PHC3: variants seen among roughly 807,000 people sequenced by gnomAD.
PHC3 encodes the protein polyhomeotic homolog 3, also known as polyhomeotic-like protein 3.
A neutral mutation model predicts 107.4 loss-of-function variants in PHC3; 13 were observed. The observed-to-expected ratio is 0.12, with a 90% CI of 0.08 to 0.19. PHC3 has a LOEUF of 0.19. Ranked by LOEUF, PHC3 falls within the 10% of genes least tolerant of loss-of-function variation. The pLI is 1.00. For synonymous variants in PHC3, 456 were observed against 427.4 expected, an observed-to-expected ratio of 1.07 and a Z score of -0.83; for missense variants, 992 against 1,210.9, an observed-to-expected ratio of 0.82 and a Z score of 2.68.
In PHC3 at chr3:170,102,948, G is replaced by A. The variant is rs755635530; in HGVS notation, c.2469-14C>T. 1 of 1,598,446 alleles carries A rather than the reference G, an allele frequency of 6.3e-7. No homozygotes were observed. Among genetic ancestry groups the A allele is most frequent in the African/African-American group, 1.3e-5 (1 of 74,492 alleles). ...CTAACATTGTACCTAAGAAATTCAA[G>A]AAAGAAAAAATATTTAATGATATAT... is the stretch of plus-strand genomic sequence containing the variant. On this transcript the variant is annotated splice_polypyrimidine_tract_variant and intron_variant, in intron 12 of 14. Transcript: ENST00000495893.
At chr3:170,160,238 G>A (rs527942771) in intron 4 of PHC3, among the ~76,000 whole-genome samples, 93 of 152,214 alleles carry the variant, frequency 6.1e-4, no homozygotes, top group Non-Finnish European at 1.2e-3. Context: ...ATGATCTCAC[G>A]GTGAGACCTC....
intron 14 of PHC3, among the ~76,000 whole-genome samples, chr3:170,098,200 A>G (rs1714896704): frequency 6.6e-6 from 1 of 152,168 alleles, no homozygotes; most frequent in Non-Finnish European, 1.5e-5. Flanking sequence ...TCACATCCAA[A>G]TTACTCAATA....
At chr3:170,166,968 T>C (rs1310283883) in intron 4 of PHC3, among the ~76,000 whole-genome samples, 15 of 152,158 alleles carry the variant, frequency 9.9e-5, no homozygotes, top group Admixed American at 9.8e-4. Context: ...GCATGTACGT[T>C]TTAAAGTTTA....
intron 4 of PHC3, among the ~76,000 whole-genome samples, chr3:170,154,623 TAAAAA>T (rs1292844140): frequency 6.6e-6 from 1 of 152,178 alleles, no homozygotes; most frequent in Non-Finnish European, 1.5e-5. Flanking sequence ...TTATTTTTCT[TAAAAA>T]AGAAAAGAGG....
At chr3:170,140,417 C>T (rs1444848641) in intron 6 of PHC3, among the ~76,000 whole-genome samples, 1 of 150,680 alleles carries the variant, frequency 6.6e-6, no homozygotes, top group Non-Finnish European at 1.5e-5. Flanking sequence ...CCATGTCTGG[C>T]TAATTTTTCT....
rs955338566 is a variant in PHC3 at position 170,092,715 on chromosome 3, C to T, written c.*4515G>A. Reference sequence around the variant, plus strand: ...TGTAATTCTGGCAACTCAATTACAACAACCTTTGAATTTTTGACAAATATT... The same window carrying T: ...TGTAATTCTGGCAACTCAATTACAATAACCTTTGAATTTTTGACAAATATT... On this transcript the variant is annotated 3_prime_UTR_variant, in exon 15 of 15. Coordinates refer to ENST00000495893, the MANE Select transcript of PHC3 (RefSeq NM_024947.4). 1 of 152,302 alleles carries T rather than the reference C, an allele frequency of 6.6e-6. No homozygotes were observed. The highest frequency in any genetic ancestry group is 2.4e-5 in the African/African-American group (1 of 41,566). 9.4% of individuals were successfully genotyped at this position (152,302 alleles called of 1,614,324 possible).
Position 170,091,034 on chromosome 3 carries a change from T to G in PHC3, c.*6196A>C, listed in dbSNP as rs1035046934. 6.6e-6 allele frequency: 1 copy of G among 152,212 alleles called. No homozygotes were observed. The highest frequency in any genetic ancestry group is 1.5e-5 in the Non-Finnish European group (1 of 68,030). 9.4% of individuals were successfully genotyped at this position (152,212 alleles called of 1,614,324 possible). On this transcript the variant is annotated 3_prime_UTR_variant, in exon 15 of 15. Transcript: ENST00000495893. ...TTTCTAAAACAGGTTGATGTTTAACTTCACTAATGACTAGACACCCCACCA... is the reference window on the plus strand; with the variant it reads ...TTTCTAAAACAGGTTGATGTTTAACGTCACTAATGACTAGACACCCCACCA...
intron 7 of PHC3, among the ~76,000 whole-genome samples, chr3:170,131,537 T>C (rs542456631): frequency 5.3e-5 from 8 of 152,314 alleles, no homozygotes; most frequent in South Asian, 4.1e-4. Flanking sequence ...AGTATGGTAC[T>C]AGAATAACAA....
chr3:170,132,304 A>G (rs1356876777), intron 7 of PHC3, among the ~76,000 whole-genome samples: 2 of 152,190 alleles, frequency 1.3e-5, no homozygotes, highest in Non-Finnish European at 2.9e-5. Flanking sequence ...AGAAACTGTG[A>G]GTAGTTAAGT....
chr3:170,137,721 A>T (rs1458647327), intron 6 of PHC3, among the ~76,000 whole-genome samples: 1 of 152,210 alleles, frequency 6.6e-6, no homozygotes, highest in African/African-American at 2.4e-5. Context: ...CAACATGGTG[A>T]AACTCCATCT....
At chr3:170,116,539 C>G (rs1315621768) in intron 10 of PHC3, among the ~76,000 whole-genome samples, 5 of 152,044 alleles carry the variant, frequency 3.3e-5, no homozygotes, top group African/African-American at 1.2e-4. Context: ...TGCACTCCAG[C>G]CTGGGTGACA....
At chr3:170,103,715 C>G (rs1438911976) in intron 12 of PHC3, among the ~76,000 whole-genome samples, 1 of 152,180 alleles carries the variant, frequency 6.6e-6, no homozygotes, top group Non-Finnish European at 1.5e-5. Context: ...AAGTTTCTGT[C>G]ACAACTACCC....
chr3:170,095,956 A>G lies in PHC3; in HGVS notation c.*1274T>C, dbSNP rs1183746556. ...TAAAGGAAGTAGGAATGTGCATTCT[A>G]GCTAGTCCCAGCATGTTCAACAATA... is the stretch of plus-strand genomic sequence containing the variant. On this transcript the variant is annotated 3_prime_UTR_variant, in exon 15 of 15. Coordinates refer to ENST00000495893, the MANE Select transcript of PHC3 (RefSeq NM_024947.4). 6.6e-6 allele frequency: 1 copy of G among 152,210 alleles called. No individual in the cohort carries two copies. Among genetic ancestry groups the G allele is most frequent in the Non-Finnish European group, 1.5e-5 (1 of 68,042 alleles). The allele number at this position is 152,210 out of a possible 1,614,324, so 9.4% of individuals were successfully genotyped here. A position where few individuals can be genotyped will look rare whatever the true frequency, so the allele number is the denominator to read the frequency against.
At chr3:170,163,442 T>C (rs1358793194) in intron 4 of PHC3, among the ~76,000 whole-genome samples, 1 of 145,498 alleles carries the variant, frequency 6.9e-6, no homozygotes, top group African/African-American at 2.6e-5. Context: ...ATCTGAAAAT[T>C]CCCAAATATT....
intron 4 of PHC3, among the ~76,000 whole-genome samples, chr3:170,151,074 G>C (rs1232528867): frequency 2.0e-5 from 3 of 152,000 alleles, no homozygotes; most frequent in Non-Finnish European, 2.9e-5. Context: ...AGCCAGGTGT[G>C]ATGGCACGCG....
Position 170,145,412 on chromosome 3 carries a change from G to A in PHC3, c.672+11C>T. The A allele has an allele frequency of 6.2e-7, 1 of 1,606,346 alleles. No individual in the cohort carries two copies. Among genetic ancestry groups the A allele is most frequent in the Non-Finnish European group, 8.5e-7 (1 of 1,174,592 alleles). On this transcript the variant is annotated intron_variant, in intron 6 of 14. Coordinates refer to ENST00000495893, the MANE Select transcript of PHC3 (RefSeq NM_024947.4). ...TCTCAAGTAACACATTATGAAGCTA[G>A]ACAAGCTCACCTGAGTAGCTGCAGA...
At chr3:170,152,025 G>C (rs577382946) in intron 4 of PHC3, among the ~76,000 whole-genome samples, 9 of 151,998 alleles carry the variant, frequency 5.9e-5, no homozygotes, top group African/African-American at 1.9e-4. Context: ...CTGTATAGTA[G>C]GCACATGACA....
At position 170,142,099 on chromosome 3, in the gene PHC3, C is replaced by T. The variant is rs571051063; in HGVS notation, c.672+3324G>A. On this transcript the variant is annotated intron_variant, in intron 6 of 14. Transcript: ENST00000495893. ...TATAACAATGCTGAGCTGCAAGTAACGGCTCCGAGAATAGAGCTGAGTTGT... is the reference window on the plus strand; with the variant it reads ...TATAACAATGCTGAGCTGCAAGTAATGGCTCCGAGAATAGAGCTGAGTTGT... Among the ~76,000 whole-genome samples, 45 of 152,100 alleles carry T rather than the reference C, an allele frequency of 3.0e-4. No individual in the cohort carries two copies. The South Asian group carries it at 8.3e-3, about 28-fold the overall frequency.
chr3:170,158,567 C>T (rs1727279455), intron 4 of PHC3, among the ~76,000 whole-genome samples: 1 of 151,670 alleles, frequency 6.6e-6, no homozygotes, highest in South Asian at 2.1e-4. Flanking sequence ...CACACCACTG[C>T]ACTCAAGCCT....
Sources: allele counts gnomAD v4.1 joint callset (sites outside exome capture counted in the v4.1 genomes callset), GRCh38; gene constraint gnomAD v4.1.1; transcripts MANE v1.5; gene names NCBI Gene and HGNC (gene_info 2026-07-23, HGNC 2026-07-21).